The following TPH2 variants were observed in gnomAD, a reference collection of about 807,000 sequenced individuals.
TPH2 encodes tryptophan hydroxylase 2.
A neutral mutation model predicts 59.1 loss-of-function variants in TPH2; 27 were observed. The ratio of observed to expected loss-of-function variants is 0.46; its 90% CI spans 0.34 to 0.63. TPH2 has a LOEUF of 0.63. Ranked by LOEUF, TPH2 falls within the 30% of genes least tolerant of loss-of-function variation. The pLI, the probability that TPH2 is intolerant of heterozygous loss-of-function variation, is 0.01. For missense variants in TPH2, 523 were observed against 588.3 expected (o/e 0.89, Z 1.15); for synonymous variants, 220 against 210.5 (o/e 1.05, Z -0.39).
chr12:71,975,477 C>G (rs1289263558), intron 6 of TPH2, among the ~76,000 whole-genome samples: 1 of 152,218 alleles, frequency 6.6e-6, no homozygotes, highest in East Asian at 1.9e-4. Context: ...CTGAACAGCT[C>G]AGCCTCAATG....
At chr12:72,007,390 A>G (rs185181473) in intron 8 of TPH2, among the ~76,000 whole-genome samples, 13 of 152,304 alleles carry the variant, frequency 8.5e-5, no homozygotes, top group African/African-American at 3.1e-4. Context: ...GATGCTGTTC[A>G]TAAATACATG....
At chr12:71,947,329 G>T (rs1871223782) in intron 4 of TPH2, among the ~76,000 whole-genome samples, 1 of 151,846 alleles carries the variant, frequency 6.6e-6, no homozygotes, top group Admixed American at 6.6e-5. Context: ...ACCTATTTGG[G>T]GTAGCTAATT....
intron 8 of TPH2, among the ~76,000 whole-genome samples, chr12:72,010,990 G>A (rs1039264717): frequency 1.3e-5 from 2 of 152,198 alleles, no homozygotes; most frequent in African/African-American, 4.8e-5. Flanking sequence ...GCATAAGCAG[G>A]TCTTCTGTGC....
intron 5 of TPH2, chr12:71,962,624 C>A: frequency 1.0e-6 from 1 of 985,428 alleles, no homozygotes; most frequent in Non-Finnish European, 1.2e-6. Context: ...ACCTGCCAGA[C>A]TCTCTGAGGC....
intron 8 of TPH2, among the ~76,000 whole-genome samples, chr12:72,009,819 C>T (rs771280448): frequency 1.9e-4 from 29 of 152,166 alleles, no homozygotes; most frequent in Admixed American, 1.4e-3. Context: ...ATCAAGAACA[C>T]GATGTAAACA....
chr12:71,980,374 G>A (rs562718438), intron 7 of TPH2, among the ~76,000 whole-genome samples: 261 of 152,246 alleles, frequency 1.7e-3, no homozygotes, highest in Non-Finnish European at 2.3e-3. Flanking sequence ...AAGCTTTTGA[G>A]GTTCAAGCAG....
At chr12:72,016,173 A>G (rs1873247117) in intron 8 of TPH2, among the ~76,000 whole-genome samples, 1 of 152,158 alleles carries the variant, frequency 6.6e-6, no homozygotes, top group Admixed American at 6.5e-5. Flanking sequence ...TCTACTTCAC[A>G]ATGGGCAGTA....
chr12:72,026,565 A>G (rs1873573468), intron 9 of TPH2, among the ~76,000 whole-genome samples: 1 of 152,140 alleles, frequency 6.6e-6, no homozygotes, highest in South Asian at 2.1e-4. Context: ...TGACTAGAGT[A>G]AGGACTCGCT....
chr12:72,006,385 G>A (rs1348723361), intron 8 of TPH2, among the ~76,000 whole-genome samples: 1 of 152,126 alleles, frequency 6.6e-6, no homozygotes, highest in Non-Finnish European at 1.5e-5. Context: ...CCAAGGAACA[G>A]GGTTGGGGAG....
At chr12:71,942,950 A>C (rs1372062133) in intron 2 of TPH2, among the ~76,000 whole-genome samples, 2 of 152,164 alleles carry the variant, frequency 1.3e-5, no homozygotes, top group African/African-American at 4.8e-5. Flanking sequence ...AGGAGTTAGC[A>C]GCCCTGAGTT....
At chr12:72,003,169 A>C (rs920692829) in intron 8 of TPH2, among the ~76,000 whole-genome samples, 2 of 152,176 alleles carry the variant, frequency 1.3e-5, no homozygotes, top group African/African-American at 4.8e-5. Context: ...GTTCTTTCTG[A>C]ACATGGATGA....
chr12:71,950,191 C>T lies in TPH2; in HGVS notation c.608+536C>T, dbSNP rs933649885. Among the ~76,000 whole-genome samples the T allele has an allele frequency of 3.3e-5, 5 of 152,246 alleles. No homozygotes were observed. In the East Asian group the frequency reaches 5.8e-4, roughly 18 times the overall value. On this transcript the variant is annotated intron_variant, in intron 5 of 10. Transcript: ENST00000333850. ...GGGATGGAAGAGGAGGACCTAACTT[C>T]GGGGTGAGGACTGTGCATAGTACAT...
chr12:72,022,566 T>G (rs551585528), intron 9 of TPH2, 72 bp downstream of exon 9: 1 of 1,156,196 alleles, frequency 8.6e-7, no homozygotes, highest in South Asian at 1.2e-5. Context: ...TTGATTTGTT[T>G]GTCTGAGCAT....
chr12:71,978,579 G>A lies in TPH2; in HGVS notation c.806-373G>A, dbSNP rs533672052. On this transcript the variant is annotated intron_variant, in intron 6 of 10. Coordinates refer to ENST00000333850, the MANE Select transcript of TPH2 (RefSeq NM_173353.4). The stretch of plus-strand genomic sequence containing the variant: ...TCACTGAACACATGCACACAGAAGA[G>A]ATCCCTAGGTATGTCTCTTAGAAAG... Among the ~76,000 whole-genome samples the A allele has an allele frequency of 1.3e-4, 20 of 152,338 alleles. 1 individual carries two copies. Among genetic ancestry groups the A allele is most frequent in the Non-Finnish European group, 2.5e-4 (17 of 68,024 alleles).
intron 5 of TPH2, among the ~76,000 whole-genome samples, chr12:71,951,013 C>T (rs939361605): frequency 1.3e-5 from 2 of 152,150 alleles, no homozygotes; most frequent in African/African-American, 4.8e-5. Context: ...CCACATGGCA[C>T]ATGTCCTTTC....
chr12:71,953,707 G>C (rs1871415727), intron 5 of TPH2, among the ~76,000 whole-genome samples: 3 of 152,172 alleles, frequency 2.0e-5, no homozygotes, highest in Non-Finnish European at 4.4e-5. Flanking sequence ...GATCATTTGA[G>C]ATTGGGGTAG....
At chr12:71,985,630 C>T (rs976632908) in intron 7 of TPH2, among the ~76,000 whole-genome samples, 6 of 152,146 alleles carry the variant, frequency 3.9e-5, no homozygotes, top group African/African-American at 1.4e-4. Context: ...AACTCCTGAC[C>T]TCGTGATCCA....
chr12:71,992,256 G>A (rs187605188), intron 7 of TPH2, among the ~76,000 whole-genome samples: 118 of 152,298 alleles, frequency 7.7e-4, no homozygotes, highest in Non-Finnish European at 1.4e-3. Context: ...CAGAAAGAGT[G>A]TAGCTTTGGA....
chr12:71,948,092 C>G (rs541162978), intron 4 of TPH2, among the ~76,000 whole-genome samples: 1 of 152,246 alleles, frequency 6.6e-6, no homozygotes, highest in East Asian at 1.9e-4. Flanking sequence ...ATGACTGCAT[C>G]TACCCTCTCC....
Sources: gnomAD v4.1 joint callset for allele counts (sites outside exome capture counted in the v4.1 genomes callset) on GRCh38, gnomAD v4.1.1 for gene constraint, MANE v1.5 for transcripts, NCBI Gene and HGNC (gene_info 2026-07-23, HGNC 2026-07-21) for gene names.